BMP2K: variants seen among roughly 807,000 people sequenced by gnomAD.
The protein encoded by BMP2K is BMP-2-inducible protein kinase.
In BMP2K, 74 loss-of-function variants were observed where a neutral mutation model predicts 116.0. The ratio of observed to expected loss-of-function variants is 0.64; its 90% CI spans 0.53 to 0.77. The LOEUF (loss-of-function observed/expected upper bound fraction) is 0.77, where lower values mean the gene tolerates loss of function less well. Among genes scored for constraint, BMP2K ranks in the 30% least tolerant of loss-of-function variants. The pLI, the probability that BMP2K is intolerant of heterozygous loss-of-function variation, is 0.00. For synonymous variants in BMP2K, 486 were observed against 502.5 expected, an observed-to-expected ratio of 0.97 and a Z score of 0.44; for missense variants, 1,365 against 1,403.6, an observed-to-expected ratio of 0.97 and a Z score of 0.44.
At chr4:78,859,451 A>G (rs1731662441) in intron 7 of BMP2K, 133 bp from the exon 8 acceptor site, 2 of 536,558 alleles carry the variant, frequency 3.7e-6, no homozygotes, top group Non-Finnish European at 6.2e-6. Context: ...GTAGGCATTA[A>G]TAAAGTTTGC....
Position 78,913,874 on chromosome 4 carries a change from C to T in BMP2K, c.*1841C>T, listed in dbSNP as rs1734822089. The T allele has an allele frequency of 6.6e-6, 1 of 150,458 alleles. No homozygotes were observed. Among genetic ancestry groups the T allele is most frequent in the Non-Finnish European group, 1.5e-5 (1 of 67,806 alleles). The allele number at this position is 150,458 out of a possible 1,614,324, so 9.3% of individuals were successfully genotyped here. On this transcript the variant is annotated 3_prime_UTR_variant, in exon 16 of 16. Coordinates refer to ENST00000502613, the MANE Select transcript of BMP2K (RefSeq NM_198892.2). ...CTGGACTGCACCAATTACTTGTCCTCGTGCCAAAGGCAAATATGTTTGCAC... is the reference window on the plus strand; with the variant it reads ...CTGGACTGCACCAATTACTTGTCCTTGTGCCAAAGGCAAATATGTTTGCAC...
At chr4:78,861,650 G>T (rs1031434978) in intron 9 of BMP2K, among the ~76,000 whole-genome samples, 182 bp downstream of exon 9, 22 of 151,914 alleles carry the variant, frequency 1.4e-4, no homozygotes, top group Non-Finnish European at 2.5e-4. Flanking sequence ...ATTAGATAAG[G>T]AGTCTGGCAT....
intron 1 of BMP2K, among the ~76,000 whole-genome samples, chr4:78,787,584 G>A (rs533789859): frequency 3.3e-5 from 5 of 152,132 alleles, no homozygotes; most frequent in South Asian, 4.2e-4. Flanking sequence ...CTTGAGTGGC[G>A]GATAGTACCA....
rs773371419 is a variant in BMP2K at position 78,911,055 on chromosome 4, C to T, written c.2508C>T (p.Leu836=). Residue 836 remains leucine, a synonymous_variant, in exon 16 of 16, where the codon CTC becomes CTT. Transcript: ENST00000502613. The part of the protein sequence containing the change: ...SGPTQDLNTI[L]LTSAQLSSDV... ...CAACCCAAGATCTTAATACAATACTCCTCACCTCAGCCCAATTATCCTCTG... is the reference window on the plus strand; with the variant it reads ...CAACCCAAGATCTTAATACAATACTTCTCACCTCAGCCCAATTATCCTCTG... The T allele has an allele frequency of 8.7e-6, 14 of 1,613,780 alleles. No homozygotes were observed. The highest frequency in any genetic ancestry group is 1.1e-5 in the Non-Finnish European group (13 of 1,179,872).
chr4:78,788,973 CA>C (rs900030936), intron 1 of BMP2K, among the ~76,000 whole-genome samples: 121 of 144,728 alleles, frequency 8.4e-4, no homozygotes, highest in African/African-American at 2.9e-3. Flanking sequence ...AGTATAAGGT[CA>C]ATTTCACTGA....
intron 1 of BMP2K, among the ~76,000 whole-genome samples, chr4:78,793,795 A>G (rs542223687): frequency 5.5e-4 from 83 of 152,274 alleles, no homozygotes; most frequent in Non-Finnish European, 1.1e-3. Flanking sequence ...TTTTTATACT[A>G]TTGATTATAT....
chr4:78,861,313 T>C (rs992229376), intron 8 of BMP2K, 76 bp from the exon 9 acceptor site: 5 of 1,123,350 alleles, frequency 4.5e-6, no homozygotes, highest in Middle Eastern at 2.6e-4. Flanking sequence ...TTCAATGATA[T>C]ATCCATAGCT....
intron 1 of BMP2K, among the ~76,000 whole-genome samples, chr4:78,789,997 A>G (rs1727920745): frequency 6.6e-6 from 1 of 152,240 alleles, no homozygotes. Flanking sequence ...TGTGGTGTTC[A>G]AAGTAAAAAG....
intron 7 of BMP2K, among the ~76,000 whole-genome samples, chr4:78,855,410 A>G (rs533343462): frequency 1.3e-5 from 2 of 152,302 alleles, no homozygotes; most frequent in African/African-American, 2.4e-5. Context: ...TGAGACTTCT[A>G]TCCAGAGTAT....
chr4:78,786,088 T>A (rs1727711806), intron 1 of BMP2K, among the ~76,000 whole-genome samples: 1 of 152,170 alleles, frequency 6.6e-6, no homozygotes, highest in Non-Finnish European at 1.5e-5. Flanking sequence ...TCTCTCAAGC[T>A]TTCTGCTATC....
Position 78,886,715 on chromosome 4 carries a change from GAAC to G in BMP2K, c.1952-456_1952-454del, listed in dbSNP as rs899964254. The stretch of plus-strand genomic sequence containing the variant: ...GATAGTACAAAGTAGTACAAAAAAA[GAAC>G]AAAAAAGTAAGATATAGTGAATTAC... On this transcript the variant is annotated intron_variant, in intron 14 of 15. Coordinates refer to ENST00000502613, the MANE Select transcript of BMP2K (RefSeq NM_198892.2). Among the ~76,000 whole-genome samples, 8 of 152,092 alleles carry G rather than the reference GAAC, an allele frequency of 5.3e-5. No individual in the cohort carries two copies. In the East Asian group the frequency reaches 5.8e-4, roughly 11 times the overall value.
rs1292396673 is a variant in BMP2K at position 78,912,018 on chromosome 4, T to C, written c.3471T>C (p.Phe1157=). 1.9e-6 allele frequency: 3 copies of C among 1,610,332 alleles called. No homozygotes were observed. The change falls in exon 16 of 16, where the codon TTT becomes TTC. Residue 1157 remains phenylalanine, a synonymous_variant. Coordinates refer to ENST00000502613, the MANE Select transcript of BMP2K (RefSeq NM_198892.2). ...VELDPFGAAP[F]PSKQ ...TAGACCCATTTGGTGCTGCTCCATTTCCTTCTAAACAGTAGATACTTCTGA... is the reference window on the plus strand; with the variant it reads ...TAGACCCATTTGGTGCTGCTCCATTCCCTTCTAAACAGTAGATACTTCTGA...
At position 78,859,654 on chromosome 4, in the gene BMP2K, T is replaced by C. The variant is rs776042862; in HGVS notation, c.954T>C (p.Phe318=). 1.2e-6 allele frequency: 2 copies of C among 1,610,188 alleles called. No homozygotes were observed. The highest frequency in any genetic ancestry group is 1.7e-6 in the Non-Finnish European group (2 of 1,177,730). ...AAGTGTCATATTTTGCATTTAAATT[T>C]GCCAAAAAGGATTGTCCAGTCTCCA... The part of the protein sequence containing the change: ...IFQVSYFAFK[F]AKKDCPVSNI... The change falls in exon 8 of 16, where the codon TTT becomes TTC. Residue 318 remains phenylalanine (F), a synonymous_variant. Transcript: ENST00000502613.
intron 13 of BMP2K, among the ~76,000 whole-genome samples, chr4:78,875,799 G>T (rs1732605329): frequency 6.6e-6 from 1 of 152,196 alleles, no homozygotes; most frequent in African/African-American, 2.4e-5. Context: ...TCAAAAGACT[G>T]CTTGAGTTTT....
intron 1 of BMP2K, among the ~76,000 whole-genome samples, chr4:78,784,153 T>C (rs1393737929): frequency 6.6e-6 from 1 of 152,194 alleles, no homozygotes; most frequent in Non-Finnish European, 1.5e-5. Context: ...CTTGGTTTTC[T>C]TTCACCATTT....
In BMP2K at chr4:78,850,617, T is replaced by G. The variant is rs141630802; in HGVS notation, c.751-307T>G. Among the ~76,000 whole-genome samples, 11 of 152,014 alleles carry G rather than the reference T, an allele frequency of 7.2e-5. No homozygotes were observed. In the East Asian group the frequency reaches 2.1e-3, roughly 29 times the overall value. The stretch of plus-strand genomic sequence containing the variant: ...TTGTTGGTTATATGCTAGTTATGTA[T>G]TAAGTATATATTTTCCTTGTGGAAG... On this transcript the variant is annotated intron_variant, in intron 6 of 15. Coordinates refer to ENST00000502613, the MANE Select transcript of BMP2K (RefSeq NM_198892.2).
At chr4:78,780,013 A>G (rs1439384266) in intron 1 of BMP2K, among the ~76,000 whole-genome samples, 6 of 152,164 alleles carry the variant, frequency 3.9e-5, no homozygotes, top group Admixed American at 3.9e-4. Context: ...TTAGCTTCAA[A>G]CAGTGACAAA....
chr4:78,855,045 A>C (rs1731439404), intron 7 of BMP2K, among the ~76,000 whole-genome samples: 1 of 152,138 alleles, frequency 6.6e-6, no homozygotes, highest in South Asian at 2.1e-4. Context: ...TCTGATCAGT[A>C]ACTTTTCGGG....
chr4:78,896,087 T>A (rs1298177662), intron 15 of BMP2K, among the ~76,000 whole-genome samples: 1 of 152,166 alleles, frequency 6.6e-6, no homozygotes, highest in African/African-American at 2.4e-5. Flanking sequence ...AATTGAAACA[T>A]AGGGTGCTTT....
Sources: allele counts gnomAD v4.1 joint callset (sites outside exome capture counted in the v4.1 genomes callset), GRCh38; gene constraint gnomAD v4.1.1; transcripts MANE v1.5; gene names NCBI Gene and HGNC (gene_info 2026-07-23, HGNC 2026-07-21).